The following PCDH7 variants were observed in gnomAD, a reference collection of about 807,000 sequenced individuals.
PCDH7 encodes protocadherin-7.
Under a neutral mutation model 58.9 loss-of-function variants are expected in PCDH7, and 17 were observed. That is an observed-to-expected ratio of 0.29 (90% confidence interval 0.20 to 0.43). PCDH7 has a LOEUF of 0.43. Ranked by LOEUF, PCDH7 falls within the 20% of genes least tolerant of loss-of-function variation. PCDH7 has a pLI of 1.00. For synonymous variants in PCDH7, 664 were observed against 616.4 expected (o/e 1.08, Z -1.14); for missense variants, 1,274 against 1,441.0 (o/e 0.88, Z 1.88).
intron 3 of PCDH7, among the ~76,000 whole-genome samples, chr4:31,139,025 T>C (rs1414979833): frequency 6.6e-6 from 1 of 151,882 alleles, no homozygotes; most frequent in East Asian, 1.9e-4. Flanking sequence ...AGAGAGATAT[T>C]AACCTTATGT....
At chr4:30,859,601 A>G (rs1371780002) in intron 1 of PCDH7, among the ~76,000 whole-genome samples, 1 of 151,754 alleles carries the variant, frequency 6.6e-6, no homozygotes, top group Non-Finnish European at 1.5e-5. Context: ...CACAACGCCC[A>G]GCTAATTTTT....
intron 1 of PCDH7, among the ~76,000 whole-genome samples, chr4:30,761,587 T>A (rs1720028774): frequency 6.6e-6 from 1 of 152,198 alleles, no homozygotes; most frequent in South Asian, 2.1e-4. Context: ...CTCATATCAA[T>A]TCTTACTAGC....
chr4:31,103,525 A>G (rs988046018), intron 3 of PCDH7, among the ~76,000 whole-genome samples: 7 of 151,870 alleles, frequency 4.6e-5, no homozygotes, highest in African/African-American at 1.7e-4. Context: ...TATTAGAGAG[A>G]CAGGGTTTCA....
At chr4:30,989,542 C>A (rs575249748) in intron 3 of PCDH7, among the ~76,000 whole-genome samples, 17 of 152,214 alleles carry the variant, frequency 1.1e-4, no homozygotes, top group Non-Finnish European at 2.2e-4. Flanking sequence ...TTACAGGTGC[C>A]GCACCATTCC....
At chr4:30,901,796 C>A (rs556284536) in intron 1 of PCDH7, among the ~76,000 whole-genome samples, 1 of 152,224 alleles carries the variant, frequency 6.6e-6, no homozygotes, top group African/African-American at 2.4e-5. Context: ...GACTGGTTTT[C>A]TTGTATAGTT....
chr4:30,817,962 G>T (rs1187001634), intron 1 of PCDH7, among the ~76,000 whole-genome samples: 1 of 152,124 alleles, frequency 6.6e-6, no homozygotes, highest in Non-Finnish European at 1.5e-5. Flanking sequence ...TACAGGACCT[G>T]GTTTCTCAAG....
At chr4:30,966,347 T>G (rs967327972) in intron 3 of PCDH7, among the ~76,000 whole-genome samples, 1 of 152,162 alleles carries the variant, frequency 6.6e-6, no homozygotes, top group Admixed American at 6.5e-5. Context: ...TATCCATAAT[T>G]GTGTTCTGGA....
At position 30,894,490 on chromosome 4, in the gene PCDH7, A is replaced by AATATAT. The variant is rs1553909430; in HGVS notation, c.71-25641_71-25636dup. 3.8e-3 allele frequency among the ~76,000 whole-genome samples: 126 copies of AATATAT among 33,450 alleles called. 2 individuals are homozygous for AATATAT. The highest frequency in any genetic ancestry group is 0.011 in the East Asian group (7 of 646). 21.9% of individuals were successfully genotyped at this position (33,450 alleles called of 152,430 possible). On this transcript the variant is annotated intron_variant, in intron 1 of 3. Coordinates refer to the PCDH7 transcript ENST00000509759. ...AAAAAAAAAAAAAAAAAAAAAAAAA[A>AATATAT]ATATATATATATATATATATATATA... is the stretch of plus-strand genomic sequence containing the variant.
chr4:30,836,557 T>C (rs1730508903), intron 1 of PCDH7, among the ~76,000 whole-genome samples: 1 of 152,208 alleles, frequency 6.6e-6, no homozygotes, highest in African/African-American at 2.4e-5. Context: ...AGATTGTATA[T>C]GTTGGCAAAT....
rs148511995 is a variant in PCDH7 at position 31,086,126 on chromosome 4, T to C, written c.*8-56347T>C. On this transcript the variant is annotated intron_variant, in intron 3 of 3. Transcript: ENST00000509759. ...AAAATAGAATCTTTTCATTAAACCT[T>C]TGTAGAGGCTTATTAGGTGAGGAAG... is the stretch of plus-strand genomic sequence containing the variant. 1.6e-3 allele frequency among the ~76,000 whole-genome samples: 237 copies of C among 152,328 alleles called. 1 individual carries two copies. Among genetic ancestry groups the C allele is most frequent in the South Asian group, 5.4e-3 (26 of 4,830 alleles).
At chr4:30,829,904 G>A (rs555629719) in intron 1 of PCDH7, among the ~76,000 whole-genome samples, 5 of 152,160 alleles carry the variant, frequency 3.3e-5, no homozygotes, top group African/African-American at 1.2e-4. Context: ...TATGACAGTT[G>A]CCCCATTGAC....
At chr4:30,888,354 G>T (rs1017933147) in intron 1 of PCDH7, among the ~76,000 whole-genome samples, 2 of 152,046 alleles carry the variant, frequency 1.3e-5, no homozygotes, top group African/African-American at 4.8e-5. Flanking sequence ...GGTTGAACTT[G>T]ACCACAAGAA....
chr4:30,937,911 C>T (rs1745550979), intron 2 of PCDH7, among the ~76,000 whole-genome samples: 1 of 151,482 alleles, frequency 6.6e-6, no homozygotes, highest in South Asian at 2.1e-4. Flanking sequence ...GAGAAGATGG[C>T]GTGTGTAGTT....
intron 1 of PCDH7, among the ~76,000 whole-genome samples, chr4:30,903,341 A>C (rs1740477252): frequency 6.6e-6 from 1 of 152,140 alleles, no homozygotes; most frequent in Admixed American, 6.5e-5. Context: ...ATCAGGATTC[A>C]ATAACTCTCT....
At chr4:31,034,865 T>C (rs987248977) in intron 3 of PCDH7, among the ~76,000 whole-genome samples, 2 of 152,184 alleles carry the variant, frequency 1.3e-5, no homozygotes, top group African/African-American at 4.8e-5. Flanking sequence ...AGTCAGCAGT[T>C]AGTCTTGGTG....
chr4:30,899,259 C>G (rs1222056242), intron 1 of PCDH7, among the ~76,000 whole-genome samples: 1 of 152,064 alleles, frequency 6.6e-6, no homozygotes, highest in Non-Finnish European at 1.5e-5. Flanking sequence ...TTGAATATAC[C>G]AAAGTTCACT....
intron 3 of PCDH7, among the ~76,000 whole-genome samples, chr4:31,066,690 T>C (rs188033172): frequency 7.9e-5 from 12 of 152,080 alleles, no homozygotes; most frequent in African/African-American, 9.6e-5. Context: ...GGGTTTAATA[T>C]ATTTTGGTCA....
At chr4:31,044,901 G>A (rs577074637) in intron 3 of PCDH7, among the ~76,000 whole-genome samples, 1 of 152,074 alleles carries the variant, frequency 6.6e-6, no homozygotes, top group Middle Eastern at 3.4e-3. Context: ...AGTAACATAG[G>A]ACCTGCAGTG....
chr4:30,750,154 T>C (rs1159939818), intron 1 of PCDH7, among the ~76,000 whole-genome samples: 5 of 152,056 alleles, frequency 3.3e-5, no homozygotes, highest in African/African-American at 1.2e-4. Flanking sequence ...CTATAATGAG[T>C]AGTACCCACT....
Sources: allele counts gnomAD v4.1 joint callset (sites outside exome capture counted in the v4.1 genomes callset), GRCh38; gene constraint gnomAD v4.1.1; transcripts MANE v1.5; gene names NCBI Gene and HGNC (gene_info 2026-07-23, HGNC 2026-07-21).